LUZP2: variants seen among roughly 807,000 people sequenced by gnomAD.
The protein encoded by LUZP2 is leucine zipper protein 2.
LUZP2 carries 52 observed loss-of-function variants against 51.6 expected under a neutral mutation model. The ratio of observed to expected loss-of-function variants is 1.01; its 90% confidence interval spans 0.81 to 1.27. The LOEUF is 1.27. Ranked by LOEUF, LUZP2 falls within the 50% of genes most tolerant of loss-of-function variation. The probability of loss-of-function intolerance (pLI) is 0.00; values close to 1 mark genes in which losing one functional copy is unlikely to be tolerated. For synonymous variants in LUZP2, 154 were observed against 137.3 expected, an observed-to-expected ratio of 1.12 and a Z score of -0.85; for missense variants, 436 against 395.4, an observed-to-expected ratio of 1.10 and a Z score of -0.87.
chr11:24,582,163 A>G (rs1220779986), intron 1 of LUZP2, among the ~76,000 whole-genome samples: 1 of 152,184 alleles, frequency 6.6e-6, no homozygotes, highest in Non-Finnish European at 1.5e-5. Context: ...TGATGTGGTT[A>G]TCTAACATAA....
chr11:24,846,051 C>G (rs1169557234), intron 5 of LUZP2, among the ~76,000 whole-genome samples: 1 of 151,484 alleles, frequency 6.6e-6, no homozygotes, highest in African/African-American at 2.4e-5. Flanking sequence ...TCAACGCAGG[C>G]AAGGATCCCT....
intron 3 of LUZP2, among the ~76,000 whole-genome samples, chr11:24,735,407 A>G (rs1219751816): frequency 1.3e-5 from 2 of 151,890 alleles, no homozygotes; most frequent in Non-Finnish European, 1.5e-5. Context: ...AATGTCTGAA[A>G]ATTTGAAAAT....
intron 9 of LUZP2, among the ~76,000 whole-genome samples, chr11:25,015,267 A>G (rs1282189630): frequency 3.3e-5 from 5 of 152,190 alleles, no homozygotes; most frequent in Non-Finnish European, 7.3e-5. Context: ...AAATGTTACG[A>G]TAGTACAGAG....
chr11:24,598,053 A>G (rs150537781), intron 1 of LUZP2, among the ~76,000 whole-genome samples: 1,892 of 151,008 alleles, frequency 0.013, 36 homozygotes, highest in African/African-American at 0.044. Context: ...GTGAGCAGAG[A>G]TTGCGCCATT....
intron 2 of LUZP2, among the ~76,000 whole-genome samples, chr11:24,730,138 A>AGTGGCG (rs1554981417): frequency 1.3e-5 from 2 of 150,880 alleles, no homozygotes; most frequent in African/African-American, 4.9e-5. Flanking sequence ...TGATGGTGGT[A>AGTGGCG]GTGGTGGTGG....
rs112654421 is a variant in LUZP2 at position 24,956,826 on chromosome 11, C to G, written c.523-19765C>G. On this transcript the variant is annotated intron_variant, in intron 7 of 11. Transcript: ENST00000336930. ...AATTACCAGAAGAGTTGATGATCAGCTATTTCACATGCTACACAAATTTCC... is the reference window on the plus strand; with the variant it reads ...AATTACCAGAAGAGTTGATGATCAGGTATTTCACATGCTACACAAATTTCC... 6.1e-3 allele frequency among the ~76,000 whole-genome samples: 922 copies of G among 152,124 alleles called. 11 individuals carry two copies. The highest frequency in any genetic ancestry group is 0.021 in the African/African-American group (866 of 41,496).
intron 10 of LUZP2, among the ~76,000 whole-genome samples, chr11:25,076,304 C>T (rs1859297040): frequency 6.6e-6 from 1 of 152,106 alleles, no homozygotes; most frequent in Non-Finnish European, 1.5e-5. Context: ...CTCAGCCTTG[C>T]AAAGTGCTGC....
chr11:24,624,797 C>T (rs1008941515), intron 1 of LUZP2, among the ~76,000 whole-genome samples: 1 of 152,080 alleles, frequency 6.6e-6, no homozygotes, highest in African/African-American at 2.4e-5. Flanking sequence ...TATGAAGTAC[C>T]TCGTACCTAG....
chr11:24,668,465 A>G (rs1207114342), intron 1 of LUZP2, among the ~76,000 whole-genome samples: 1 of 152,172 alleles, frequency 6.6e-6, no homozygotes. Flanking sequence ...AAAGGTCTAG[A>G]AACATATATT....
chr11:24,788,439 C>T (rs1007768825), intron 5 of LUZP2, among the ~76,000 whole-genome samples: 1 of 151,860 alleles, frequency 6.6e-6, no homozygotes, highest in African/African-American at 2.4e-5. Context: ...CCACCCACCT[C>T]GGCCTCCCAA....
rs542291855 is a variant in LUZP2, at chr11:24,800,057, C to T, written c.396+36749C>T. Among the ~76,000 whole-genome samples, 48 of 151,390 alleles carry T rather than the reference C, an allele frequency of 3.2e-4. No homozygotes were observed. The South Asian group carries it at 8.3e-3, about 26-fold the overall frequency. On this transcript the variant is annotated intron_variant, in intron 5 of 11. Coordinates refer to ENST00000336930, the MANE Select transcript of LUZP2 (RefSeq NM_001009909.4). The stretch of plus-strand genomic sequence containing the variant: ...TGATCTCTTTAATTACATTTTAGAA[C>T]ATTTCAGCAGCTCTCTCGGTCCTTT...
chr11:25,013,313 G>C (rs201737239), intron 9 of LUZP2, among the ~76,000 whole-genome samples: 1 of 152,106 alleles, frequency 6.6e-6, no homozygotes, highest in Non-Finnish European at 1.5e-5. Flanking sequence ...CAGCAGAGTA[G>C]AGTGACTGTA....
rs369863265 is a variant in LUZP2, at chr11:24,771,158, G to A, written c.396+7850G>A. 4.1e-4 allele frequency among the ~76,000 whole-genome samples: 63 copies of A among 152,026 alleles called. 4 individuals carry two copies. The East Asian group carries it at 5.6e-3, about 14-fold the overall frequency. On this transcript the variant is annotated intron_variant, in intron 5 of 11. Transcript: ENST00000336930. Reference sequence around the variant, plus strand: ...AATTTTTCATGGGAAATATAGATTTGATACTATAGAAAGCTTTCACATTGC... The same window carrying A: ...AATTTTTCATGGGAAATATAGATTTAATACTATAGAAAGCTTTCACATTGC...
chr11:24,589,896 G>C (rs1853199663), intron 1 of LUZP2, among the ~76,000 whole-genome samples: 1 of 150,916 alleles, frequency 6.6e-6, no homozygotes, highest in African/African-American at 2.4e-5. Context: ...TAGGCATGAA[G>C]TGACAGCAGC....
intron 9 of LUZP2, among the ~76,000 whole-genome samples, chr11:24,998,226 A>G (rs995725872): frequency 1.3e-5 from 2 of 152,052 alleles, no homozygotes; most frequent in Non-Finnish European, 2.9e-5. Context: ...GGCCATTTTC[A>G]CGATATCGAT....
chr11:24,607,485 CTT>C, intron 1 of LUZP2, among the ~76,000 whole-genome samples: 1 of 150,106 alleles, frequency 6.7e-6, no homozygotes, highest in East Asian at 2.0e-4. Context: ...TTACTCTGGA[CTT>C]TTTTTTATAT....
chr11:24,957,231 T>A (rs1855237009), intron 7 of LUZP2, among the ~76,000 whole-genome samples: 1 of 152,142 alleles, frequency 6.6e-6, no homozygotes. Flanking sequence ...TTTTTTAAAT[T>A]GCAAATTGGC....
intron 9 of LUZP2, among the ~76,000 whole-genome samples, chr11:25,045,064 T>TG (rs1458690491): frequency 0.012 from 51 of 4,176 alleles, no homozygotes; most frequent in Non-Finnish European, 0.021. Flanking sequence ...TGTTGTGCGG[T>TG]GGGGGGAGGG....
At chr11:24,715,070 T>A (rs2631439) in intron 1 of LUZP2, among the ~76,000 whole-genome samples, 29,199 of 152,070 alleles carry the variant, frequency 0.19, 4,280 homozygotes, top group African/African-American at 0.39. Flanking sequence ...TAACTGACAT[T>A]TACTTACCTC....
Sources: gnomAD v4.1 joint callset for allele counts (sites outside exome capture counted in the v4.1 genomes callset) on GRCh38, gnomAD v4.1.1 for gene constraint, MANE v1.5 for transcripts, NCBI Gene and HGNC (gene_info 2026-07-23, HGNC 2026-07-21) for gene names.